CABIN1: variants seen among roughly 807,000 people sequenced by gnomAD.
The protein encoded by CABIN1 is calcineurin-binding protein cabin-1.
CABIN1 carries 133 observed loss-of-function variants against 227.7 expected under a neutral mutation model. The observed-to-expected ratio is 0.58, with a 90% confidence interval of 0.51 to 0.67. The LOEUF (loss-of-function observed/expected upper bound fraction) is 0.67, where lower values mean the gene tolerates loss of function less well. Ranked by LOEUF, CABIN1 falls within the 30% of genes least tolerant of loss-of-function variation. CABIN1 has a pLI of 0.00. For synonymous variants in CABIN1, 1,086 were observed against 1,155.1 expected, an observed-to-expected ratio of 0.94 and a Z score of 1.21; for missense variants, 2,408 against 2,852.5, an observed-to-expected ratio of 0.84 and a Z score of 3.55.
At chr22:24,144,135 G>C (rs1055232093) in intron 29 of CABIN1, among the ~76,000 whole-genome samples, 1 of 152,236 alleles carries the variant, frequency 6.6e-6, no homozygotes, top group African/African-American at 2.4e-5. Flanking sequence ...TCACAAGCTA[G>C]CAAGTGGCCA....
intron 25 of CABIN1, among the ~76,000 whole-genome samples, chr22:24,097,523 C>CTA (rs995371366): frequency 1.3e-5 from 2 of 152,184 alleles, no homozygotes; most frequent in African/African-American, 4.8e-5. Context: ...ATGGATGTAC[C>CTA]ATGTTTTATG....
Position 24,059,966 on chromosome 22 carries a change from A to G in CABIN1, c.1442A>G (p.Asn481Ser), listed in dbSNP as rs201866375. The G allele has an allele frequency of 5.6e-5, 90 of 1,614,110 alleles. No individual in the cohort carries two copies. The highest frequency in any genetic ancestry group is 3.7e-5 in the Non-Finnish European group (44 of 1,180,060). Residue 481 changes from asparagine (N) to serine (S), a missense_variant, in exon 12 of 37, where the codon AAC becomes AGC. Asn to Ser is a conservative substitution (Grantham distance 46). This residue lies in a region of CABIN1 where 1,045 missense variants were observed against 1,168.4 expected (regional missense o/e 0.89). Coordinates refer to ENST00000263119, the MANE Select transcript of CABIN1 (RefSeq NM_012295.4). ...GAGTTCCTGCTGGAGAACCTAACCAACGGGGGCATCCTGGAGCTGATGATG... is the reference window on the plus strand; with the variant it reads ...GAGTTCCTGCTGGAGAACCTAACCAGCGGGGGCATCCTGGAGCTGATGATG... ...VHEFLLENLT[N>S]GGILELMMRY...
intron 1 of CABIN1, chr22:24,011,751 T>C (rs943967345): frequency 2.0e-5 from 3 of 152,272 alleles, no homozygotes; most frequent in African/African-American, 7.2e-5. Context: ...ATTGGTGCCA[T>C]TTACAGGGGT....
rs138857114 is a variant in CABIN1, at chr22:24,145,775, G to A, written c.4746+11360G>A. On this transcript the variant is annotated intron_variant, in intron 29 of 36. Transcript: ENST00000263119. The stretch of plus-strand genomic sequence containing the variant: ...CACAGTAGAGATGCCACTCAAGGCC[G>A]TGCTAGGATGGAAGGGTGCTGCTTA... Among the ~76,000 whole-genome samples, 15 of 152,202 alleles carry A rather than the reference G, an allele frequency of 9.9e-5. No individual in the cohort carries two copies. The South Asian group carries it at 1.5e-3, about 15-fold the overall frequency.
chr22:24,169,190 G>A (rs1350432043), intron 33 of CABIN1, among the ~76,000 whole-genome samples: 1 of 152,156 alleles, frequency 6.6e-6, no homozygotes, highest in Admixed American at 6.5e-5. Flanking sequence ...GATGTGGCAG[G>A]GAGGGGCAGA....
chr22:24,034,367 T>C (rs558514673), intron 1 of CABIN1, among the ~76,000 whole-genome samples: 36 of 152,390 alleles, frequency 2.4e-4, no homozygotes, highest in African/African-American at 7.5e-4. Context: ...TGCTATTTTG[T>C]ATATGACTTC....
chr22:24,096,198 C>T (rs1214701772), intron 25 of CABIN1, 116 bp downstream of exon 25: 1 of 1,206,224 alleles, frequency 8.3e-7, no homozygotes, highest in South Asian at 1.2e-5. Flanking sequence ...TAAACTAGAA[C>T]TCATGGAGTC....
chr22:24,059,399 ATTC>A, intron 11 of CABIN1, 36 bp downstream of exon 11: 2 of 1,612,714 alleles, frequency 1.2e-6, no homozygotes, highest in South Asian at 1.1e-5. Context: ...CACTTTGGGA[ATTC>A]TTCTTCCCAC....
At chr22:24,170,906 C>T (rs989762090) in intron 33 of CABIN1, among the ~76,000 whole-genome samples, 1 of 152,108 alleles carries the variant, frequency 6.6e-6, no homozygotes, top group African/African-American at 2.4e-5. Flanking sequence ...AAGGGTGGAC[C>T]CACTCCTCTG....
chr22:24,075,091 T>A (rs980748579), intron 18 of CABIN1, among the ~76,000 whole-genome samples: 3 of 152,112 alleles, frequency 2.0e-5, no homozygotes, highest in Non-Finnish European at 2.9e-5. Context: ...GAGACCTAGC[T>A]ACTTGGGAGG....
intron 27 of CABIN1, among the ~76,000 whole-genome samples, chr22:24,114,039 G>A (rs2042948264): frequency 6.6e-6 from 1 of 151,544 alleles, no homozygotes; most frequent in Admixed American, 6.6e-5. Context: ...CCATGTCTGT[G>A]ATATCAGTGT....
At chr22:24,136,988 A>G (rs1453536334) in intron 29 of CABIN1, among the ~76,000 whole-genome samples, 2 of 152,140 alleles carry the variant, frequency 1.3e-5, no homozygotes, top group East Asian at 3.8e-4. Flanking sequence ...TTGGAGCTAG[A>G]CAAGTTGCTT....
At chr22:24,155,703 T>C in intron 29 of CABIN1, 1 of 273,872 alleles carries the variant, frequency 3.7e-6, no homozygotes, top group Non-Finnish European at 6.8e-6. Flanking sequence ...GCCATTCACA[T>C]AGGCACCGCC....
At chr22:24,054,641 G>A (rs1261355536) in intron 8 of CABIN1, among the ~76,000 whole-genome samples, 1 of 152,180 alleles carries the variant, frequency 6.6e-6, no homozygotes, top group Non-Finnish European at 1.5e-5. Flanking sequence ...AGGGGCAGGT[G>A]GATGCCAGGT....
At position 24,177,914 on chromosome 22, in the gene CABIN1, G is replaced by C; in HGVS notation, c.6519+97G>C. ...GGTGGGGGTGGCAGGAGGGCCTGGG[G>C]TGTGGGTGAGGATGGCATAGGGGCC... On this transcript the variant is annotated intron_variant, in intron 36 of 36. Coordinates refer to ENST00000263119, the MANE Select transcript of CABIN1 (RefSeq NM_012295.4). The surrounding 1 kb of genome is among the most constrained non-coding windows in gnomAD (Gnocchi z 4.4). 2.0e-6 allele frequency: 3 copies of C among 1,499,238 alleles called. No individual in the cohort carries two copies. The highest frequency in any genetic ancestry group is 2.7e-6 in the Non-Finnish European group (3 of 1,098,610). 92.9% of individuals were successfully genotyped at this position (1,499,238 alleles called of 1,614,324 possible). A position where few individuals can be genotyped will look rare whatever the true frequency, so the allele number is the denominator to read the frequency against.
intron 10 of CABIN1, among the ~76,000 whole-genome samples, chr22:24,057,346 T>C (rs2038877674): frequency 6.6e-6 from 1 of 152,140 alleles, no homozygotes; most frequent in Non-Finnish European, 1.5e-5. Flanking sequence ...TTCTTAATAC[T>C]CCCCTTTCTC....
intron 27 of CABIN1, among the ~76,000 whole-genome samples, chr22:24,114,624 TG>T (rs1237934060): frequency 1.3e-5 from 2 of 151,966 alleles, no homozygotes; most frequent in Non-Finnish European, 2.9e-5. Context: ...CCTCTCCGGG[TG>T]GGATGGATGG....
chr22:24,038,121 A>T (rs1207369913), intron 3 of CABIN1, among the ~76,000 whole-genome samples: 1 of 152,134 alleles, frequency 6.6e-6, no homozygotes, highest in East Asian at 1.9e-4. Context: ...TAGGGTTTTT[A>T]AACAGAGATT....
At chr22:24,147,002 A>G (rs1389445189) in intron 29 of CABIN1, among the ~76,000 whole-genome samples, 2 of 152,214 alleles carry the variant, frequency 1.3e-5, no homozygotes, top group African/African-American at 4.8e-5. Flanking sequence ...GTTTCTGCCC[A>G]GCCTATCAGA....
Sources: gnomAD v4.1 joint callset for allele counts (sites outside exome capture counted in the v4.1 genomes callset) on GRCh38, gnomAD v4.1.1 for gene constraint, gnomAD v4.1.1 regional missense constraint, Gnocchi (gnomAD v3.1) non-coding constraint, MANE v1.5 for transcripts, NCBI Gene and HGNC (gene_info 2026-07-23, HGNC 2026-07-21) for gene names.